The following MAPK6 variants were observed in gnomAD, a reference collection of about 807,000 sequenced individuals.
The protein encoded by MAPK6 is mitogen-activated protein kinase 6.
A neutral mutation model predicts 59.3 loss-of-function variants in MAPK6; 19 were observed. That is an observed-to-expected ratio of 0.32 (90% confidence interval 0.22 to 0.47). The LOEUF is 0.47. Ranked by LOEUF, MAPK6 falls within the 20% of genes least tolerant of loss-of-function variation. The pLI, the probability that MAPK6 is intolerant of heterozygous loss-of-function variation, is 1.00. For missense variants in MAPK6, 724 were observed against 847.9 expected, an observed-to-expected ratio of 0.85 and a Z score of 1.81; for synonymous variants, 316 against 290.3, an observed-to-expected ratio of 1.09 and a Z score of -0.90.
intron 5 of MAPK6, among the ~76,000 whole-genome samples, chr15:52,061,702 C>T (rs1184301802): frequency 6.6e-6 from 1 of 152,054 alleles, no homozygotes; most frequent in Non-Finnish European, 1.5e-5. Context: ...ATCACTTGAA[C>T]CCAAGTGGCC....
At chr15:52,056,207 C>G (rs915226371) in intron 3 of MAPK6, among the ~76,000 whole-genome samples, 1 of 152,230 alleles carries the variant, frequency 6.6e-6, no homozygotes, top group Admixed American at 6.5e-5. Context: ...ATAGGTGTTC[C>G]TGTCCCAGGT....
At position 52,063,979 on chromosome 15, in the gene MAPK6, C is replaced by G; in HGVS notation, c.1145C>G (p.Pro382Arg). The G allele has an allele frequency of 6.2e-7, 1 of 1,611,994 alleles. No individual in the cohort carries two copies. Residue 382 changes from proline to arginine, a missense_variant, in exon 6 of 6, where the codon CCA becomes CGA. Transcript: ENST00000261845. ...NFDIDEVQLD[P>R]RALSDVTDEE... ...GATATTGATGAAGTTCAGCTTGATC[C>G]AAGAGCTCTGTCCGATGTCACTGAT...
Position 52,066,473 on chromosome 15 carries a change from T to G in MAPK6, c.*1473T>G, listed in dbSNP as rs140689993. 4.7e-4 allele frequency: 72 copies of G among 152,364 alleles called. No individual in the cohort carries two copies. The highest frequency in any genetic ancestry group is 1.6e-3 in the African/African-American group (67 of 41,594). The allele number at this position is 152,364 out of a possible 1,614,324, so 9.4% of individuals were successfully genotyped here. On this transcript the variant is annotated 3_prime_UTR_variant, in exon 6 of 6. Transcript: ENST00000261845. ...AAAATGTGTAGTTGAAACTTTGAACTGTGCAGTCAGAAAACTTGAGATTTG... is the reference window on the plus strand; with the variant it reads ...AAAATGTGTAGTTGAAACTTTGAACGGTGCAGTCAGAAAACTTGAGATTTG...
At chr15:52,011,797 G>C (rs2030064875) in intron 3 of MAPK6, among the ~76,000 whole-genome samples, 1 of 152,184 alleles carries the variant, frequency 6.6e-6, no homozygotes, top group Non-Finnish European at 1.5e-5. Context: ...TCAGTGGAAG[G>C]CTGTTTTGTT....
Position 52,052,758 on chromosome 15 carries a change from A to G in MAPK6, c.700+2621A>G, listed in dbSNP as rs142479777. Among the ~76,000 whole-genome samples the G allele has an allele frequency of 3.1e-3, 467 of 152,340 alleles. 4 individuals carry two copies. Among genetic ancestry groups the G allele is most frequent in the African/African-American group, 0.011 (437 of 41,584 alleles). ...TTTTACGGGCAAATAGTATTCTGCT[A>G]TATGGATATACCACATGCTGTTTAT... On this transcript the variant is annotated intron_variant, in intron 3 of 5. Coordinates refer to ENST00000261845, the MANE Select transcript of MAPK6 (RefSeq NM_002748.4).
At chr15:52,011,066 A>G (rs1394689729) in intron 3 of MAPK6, 2 of 152,216 alleles carry the variant, frequency 1.3e-5, no homozygotes, top group Admixed American at 1.3e-4. Context: ...CGAAGTAGTC[A>G]TAGCACCTTT....
chr15:52,037,114 T>C (rs1358951615), intron 1 of MAPK6, among the ~76,000 whole-genome samples: 1 of 151,926 alleles, frequency 6.6e-6, no homozygotes, highest in Non-Finnish European at 1.5e-5. Flanking sequence ...CTGGGTAACA[T>C]AGTGAGACCC....
chr15:52,036,632 G>A (rs1407821147), intron 1 of MAPK6, among the ~76,000 whole-genome samples: 1 of 152,184 alleles, frequency 6.6e-6, no homozygotes, highest in African/African-American at 2.4e-5. Flanking sequence ...TCCAACCCAT[G>A]AACTTTGGGG....
At chr15:52,026,706 G>T (rs2030791528) in intron 1 of MAPK6, among the ~76,000 whole-genome samples, 1 of 152,144 alleles carries the variant, frequency 6.6e-6, no homozygotes, top group South Asian at 2.1e-4. Flanking sequence ...TTTGTAAAAT[G>T]ACATTTACAA....
intron 1 of MAPK6, among the ~76,000 whole-genome samples, chr15:52,045,431 GC>G (rs1171722534): frequency 6.6e-6 from 1 of 152,164 alleles, no homozygotes; most frequent in Non-Finnish European, 1.5e-5. Flanking sequence ...AAGTAAACAT[GC>G]TTTTTAACAA....
At chr15:52,045,508 C>A (rs909073188) in intron 1 of MAPK6, among the ~76,000 whole-genome samples, 2 of 152,172 alleles carry the variant, frequency 1.3e-5, no homozygotes, top group African/African-American at 4.8e-5. Flanking sequence ...TAACGTTTTA[C>A]CCCTCACAAA....
chr15:51,997,923 C>CTCTTTCTT (rs201219333), intron 2 of MAPK6, among the ~76,000 whole-genome samples: 93 of 131,226 alleles, frequency 7.1e-4, no homozygotes, highest in African/African-American at 1.9e-3. Context: ...TTCTTTCTTT[C>CTCTTTCTT]TCTTTCTTTC....
intron 1 of MAPK6, among the ~76,000 whole-genome samples, chr15:52,026,498 G>A (rs576172935): frequency 6.6e-6 from 1 of 152,124 alleles, no homozygotes; most frequent in South Asian, 2.1e-4. Flanking sequence ...AACCATGTTG[G>A]CCAGGCTGGT....
Position 52,063,348 on chromosome 15 carries a change from G to T in MAPK6, c.1068-554G>T, listed in dbSNP as rs115322768. Among the ~76,000 whole-genome samples the T allele has an allele frequency of 1.9e-3, 285 of 152,334 alleles. 1 individual carries two copies. Among genetic ancestry groups the T allele is most frequent in the African/African-American group, 6.8e-3 (281 of 41,588 alleles). On this transcript the variant is annotated intron_variant, in intron 5 of 5. Coordinates refer to ENST00000261845, the MANE Select transcript of MAPK6 (RefSeq NM_002748.4). Reference sequence around the variant, plus strand: ...TGAAGTGCTAGCATTGCAGGCCTGAGCCACTGCACCTGACCTGCATTTTCT... The same window carrying T: ...TGAAGTGCTAGCATTGCAGGCCTGATCCACTGCACCTGACCTGCATTTTCT...
chr15:52,024,463 C>A (rs1415339245), intron 1 of MAPK6: 3 of 151,060 alleles, frequency 2.0e-5, no homozygotes, highest in African/African-American at 7.3e-5. Flanking sequence ...TGCAGTGGCA[C>A]GATCTTGGCT....
chr15:52,060,517 T>C (rs1405861526), intron 4 of MAPK6, among the ~76,000 whole-genome samples: 1 of 152,148 alleles, frequency 6.6e-6, no homozygotes, highest in East Asian at 1.9e-4. Context: ...GCAGCTAGTT[T>C]TCATCAGTTT....
chr15:52,046,137 A>G lies in MAPK6; in HGVS notation c.-324A>G, dbSNP rs1351000795. 8.1e-6 allele frequency: 2 copies of G among 245,706 alleles called. No homozygotes were observed. The highest frequency in any genetic ancestry group is 2.3e-5 in the African/African-American group (1 of 43,442). The allele number at this position is 245,706 out of a possible 1,614,324, so 15.2% of individuals were successfully genotyped here. A position where few individuals can be genotyped will look rare whatever the true frequency, so the allele number is the denominator to read the frequency against. ...AAATGTTAAATCGTTTAGCACGGTA[A>G]TCTGAGTGCACAGTATGTCATTTCA... On this transcript the variant is annotated 5_prime_UTR_variant, in exon 2 of 6. An upstream open reading frame in the 5' UTR loses its in-frame stop. Coordinates refer to ENST00000261845, the MANE Select transcript of MAPK6 (RefSeq NM_002748.4).
Position 51,977,818 on chromosome 15 carries a change from C to G in MAPK6, c.-879-5388C>G, listed in dbSNP as rs62015192. Reference sequence around the variant, plus strand: ...TCCTAAAGTACTGGGATTATAGGAACAAGACACCATACCTGGCCCCAGCCA... The same window carrying G: ...TCCTAAAGTACTGGGATTATAGGAAGAAGACACCATACCTGGCCCCAGCCA... On this transcript the variant is annotated intron_variant, in intron 1 of 7. Coordinates refer to the MAPK6 transcript ENST00000691380. Among the ~76,000 whole-genome samples the G allele has an allele frequency of 5.9e-4, 90 of 151,910 alleles. 2 individuals are homozygous for G. Among genetic ancestry groups the G allele is most frequent in the South Asian group, 1.2e-3 (6 of 4,820 alleles).
At chr15:52,006,124 T>A (rs186946561) in intron 3 of MAPK6, among the ~76,000 whole-genome samples, 2 of 152,334 alleles carry the variant, frequency 1.3e-5, no homozygotes, top group Admixed American at 6.5e-5. Flanking sequence ...TTGGGAGCTG[T>A]GCTTTATTCT....
Sources: allele counts gnomAD v4.1 joint callset (sites outside exome capture counted in the v4.1 genomes callset), GRCh38; gene constraint gnomAD v4.1.1; transcripts MANE v1.5; gene names NCBI Gene and HGNC (gene_info 2026-07-23, HGNC 2026-07-21).